The following ANKRD36C variants were observed in gnomAD, a reference collection of about 807,000 sequenced individuals.
The protein encoded by ANKRD36C is ankyrin repeat domain-containing protein 36C.
A neutral mutation model predicts 276.4 loss-of-function variants in ANKRD36C; 61 were observed. That is an observed-to-expected ratio of 0.22 (90% confidence interval 0.18 to 0.27). The LOEUF is 0.27. Ranked by LOEUF, ANKRD36C falls within the 10% of genes least tolerant of loss-of-function variation. ANKRD36C has a pLI of 1.00. For synonymous variants in ANKRD36C, 483 were observed against 680.1 expected (o/e 0.71, Z 4.51); for missense variants, 1,447 against 2,032.3 (o/e 0.71, Z 5.54).
chr2:95,972,455 G>A (rs186440010), intron 6 of ANKRD36C, among the ~76,000 whole-genome samples: 283 of 152,264 alleles, frequency 1.9e-3, no homozygotes, highest in African/African-American at 6.4e-3. Flanking sequence ...GAGGGCTCCC[G>A]GAAGCTTGTG....
At chr2:95,870,414 T>C (rs1293712813) in intron 59 of ANKRD36C, among the ~76,000 whole-genome samples, 2 of 152,084 alleles carry the variant, frequency 1.3e-5, no homozygotes, top group East Asian at 1.9e-4. Flanking sequence ...GGGTCTGGAG[T>C]GGACCTCTAG....
At chr2:95,922,908 C>T (rs1266236095) in intron 32 of ANKRD36C, among the ~76,000 whole-genome samples, 1 of 151,580 alleles carries the variant, frequency 6.6e-6, no homozygotes, top group African/African-American at 2.4e-5. Context: ...CTGGAGCTGC[C>T]AAAATCAAAT....
At chr2:95,860,336 A>T (rs76745938) in intron 60 of ANKRD36C, among the ~76,000 whole-genome samples, 1 of 152,020 alleles carries the variant, frequency 6.6e-6, no homozygotes, top group African/African-American at 2.4e-5. Context: ...AAAAAAAAAA[A>T]CATAGTTATG....
chr2:95,893,419 G>A lies in ANKRD36C; in HGVS notation c.2756-1559C>T, dbSNP rs137969007. On this transcript the variant is annotated intron_variant, in intron 44 of 66. Transcript: ENST00000456556. The stretch of plus-strand genomic sequence containing the variant: ...AACTTACTACAAATGAAGAATCTCC[G>A]GCCTGCTGAATCAGAAAGTGCAGCT... 3,856 of 1,417,424 alleles carry A rather than the reference G, an allele frequency of 2.7e-3. 85 individuals carry two copies. The African/African-American group carries it at 0.05, about 18-fold the overall frequency. The allele number at this position is 1,417,424 out of a possible 1,614,324, so 87.8% of individuals were successfully genotyped here.
intron 58 of ANKRD36C, among the ~76,000 whole-genome samples, chr2:95,878,261 G>A (rs1675999878): frequency 6.6e-6 from 1 of 150,472 alleles, no homozygotes; most frequent in South Asian, 2.1e-4. Context: ...AATTTCCACA[G>A]ACTTATTAAT....
intron 3 of ANKRD36C, among the ~76,000 whole-genome samples, chr2:95,984,375 T>C (rs1202249547): frequency 6.6e-6 from 1 of 152,132 alleles, no homozygotes. Context: ...GATTGGATTC[T>C]TGAAGAGAAG....
exon 61 of ANKRD36C, chr2:95,859,922 C>T: frequency 6.5e-7 from 1 of 1,544,916 alleles, no homozygotes; most frequent in East Asian, 2.5e-5. Context: ...GATTTTATTT[C>T]TTCTTTTTCA....
At chr2:95,868,502 T>A (rs1264635981) in intron 59 of ANKRD36C, among the ~76,000 whole-genome samples, 2 of 151,944 alleles carry the variant, frequency 1.3e-5, no homozygotes, top group Non-Finnish European at 2.9e-5. Context: ...ACTTTCAGTA[T>A]CATTATAAAA....
chr2:95,873,965 T>C (rs1675877355), intron 59 of ANKRD36C, among the ~76,000 whole-genome samples: 3 of 152,038 alleles, frequency 2.0e-5, no homozygotes. Context: ...GGAATCCAAC[T>C]TACAAGGGAT....
chr2:95,895,888 G>C (rs531803875), intron 44 of ANKRD36C, among the ~76,000 whole-genome samples: 1 of 151,076 alleles, frequency 6.6e-6, no homozygotes, highest in African/African-American at 2.4e-5. Context: ...GGACAAATGT[G>C]ATCTGAAAAC....
At position 95,935,740 on chromosome 2, in the gene ANKRD36C, A is replaced by G. The variant is rs1573781430; in HGVS notation, c.1634-96T>C. 13 of 1,453,680 alleles carry G rather than the reference A, an allele frequency of 8.9e-6. No individual in the cohort carries two copies. The East Asian group carries it at 3.2e-4, about 36-fold the overall frequency. The allele number at this position is 1,453,680 out of a possible 1,614,324, so 90.0% of individuals were successfully genotyped here. A position where few individuals can be genotyped will look rare whatever the true frequency, so the allele number is the denominator to read the frequency against. On this transcript the variant is annotated intron_variant, in intron 22 of 66. Transcript: ENST00000456556. ...GGTTTCCCATGACTACAACTAACACAGGAAAGTACTTCTACCAATGTGATC... is the reference window on the plus strand; with the variant it reads ...GGTTTCCCATGACTACAACTAACACGGGAAAGTACTTCTACCAATGTGATC...
intron 6 of ANKRD36C, among the ~76,000 whole-genome samples, chr2:95,974,176 T>C (rs1166765027): frequency 6.6e-6 from 1 of 152,220 alleles, no homozygotes; most frequent in African/African-American, 2.4e-5. Context: ...AGAAAAGTGT[T>C]TTACATTAAA....
chr2:95,930,734 T>G (rs1677542034), intron 24 of ANKRD36C, among the ~76,000 whole-genome samples: 2 of 151,496 alleles, frequency 1.3e-5, no homozygotes, highest in Admixed American at 1.3e-4. Context: ...TTTGATTCCT[T>G]TTTTTTAAAA....
In ANKRD36C at chr2:95,919,616, A is replaced by G. The variant is rs185917750; in HGVS notation, c.2246-1574T>C. Reference sequence around the variant, plus strand: ...CAAATGAAAAATCTCAGGCCTGCTGAATCAGAATGTGCAGCTTCGGCGACT... The same window carrying G: ...CAAATGAAAAATCTCAGGCCTGCTGGATCAGAATGTGCAGCTTCGGCGACT... On this transcript the variant is annotated intron_variant, in intron 34 of 66. Transcript: ENST00000456556. 297 of 529,310 alleles carry G rather than the reference A, an allele frequency of 5.6e-4. 50 individuals carry two copies. The East Asian group carries it at 9.8e-3, about 18-fold the overall frequency. The allele number at this position is 529,310 out of a possible 1,614,324, so 32.8% of individuals were successfully genotyped here.
At chr2:95,866,646 T>C (rs1394330948) in intron 60 of ANKRD36C, among the ~76,000 whole-genome samples, 1 of 152,100 alleles carries the variant, frequency 6.6e-6, no homozygotes, top group Non-Finnish European at 1.5e-5. Flanking sequence ...TGTGACAACA[T>C]AGCAACTGGA....
At chr2:95,884,475 G>A in intron 52 of ANKRD36C, 107 bp from the exon 73 acceptor site, 4 of 1,568,396 alleles carry the variant, frequency 2.6e-6, no homozygotes, top group Non-Finnish European at 2.6e-6. Flanking sequence ...CTGTATTAGG[G>A]TAGGATTTGA....
At chr2:95,950,333 C>G (rs939589685) in intron 16 of ANKRD36C, among the ~76,000 whole-genome samples, 1 of 152,340 alleles carries the variant, frequency 6.6e-6, no homozygotes, top group Non-Finnish European at 1.5e-5. Context: ...AGCCAGGCTT[C>G]TAAATAACAC....
chr2:95,879,936 T>C (rs1413179385), intron 58 of ANKRD36C, among the ~76,000 whole-genome samples: 3 of 142,982 alleles, frequency 2.1e-5, no homozygotes, highest in African/African-American at 7.9e-5. Context: ...ATCCCAGCAC[T>C]TTGGGAGGGC....
At chr2:95,933,172 T>C (rs1331702017) in intron 24 of ANKRD36C, among the ~76,000 whole-genome samples, 1 of 152,290 alleles carries the variant, frequency 6.6e-6, no homozygotes, top group Non-Finnish European at 1.5e-5. Context: ...TACCATGCTG[T>C]TTTCATTACT....
Sources: allele counts gnomAD v4.1 joint callset (sites outside exome capture counted in the v4.1 genomes callset), GRCh38; gene constraint gnomAD v4.1.1; transcripts MANE v1.5; gene names NCBI Gene and HGNC (gene_info 2026-07-23, HGNC 2026-07-21).